The following CIMIP4 variants were observed in gnomAD, a reference collection of about 807,000 sequenced individuals.
CIMIP4 encodes protein EAN57.
the CIMIP4 span, among the ~76,000 whole-genome samples, chr22:37,002,782 A>G: frequency 1.3e-5 from 2 of 152,192 alleles, no homozygotes; most frequent in African/African-American, 4.8e-5. Context: ...GCTAAGCCAC[A>G]TGCCTGGGAA....
At chr22:36,995,331 G>T in the CIMIP4 span, among the ~76,000 whole-genome samples, 2 of 152,162 alleles carry the variant, frequency 1.3e-5, no homozygotes, top group African/African-American at 4.8e-5. Context: ...CTTACCATGG[G>T]CTGACCCTCT....
At chr22:36,991,987 C>A in the CIMIP4 span, among the ~76,000 whole-genome samples, 11 of 152,170 alleles carry the variant, frequency 7.2e-5, no homozygotes. Context: ...CAAGAGTCAG[C>A]AGAAACACCA....
chr22:36,995,877 G>A, the CIMIP4 span, among the ~76,000 whole-genome samples: 1 of 152,224 alleles, frequency 6.6e-6, no homozygotes, highest in East Asian at 1.9e-4. Flanking sequence ...TCAGCAGTAT[G>A]AAAACAGACT....
At chr22:37,002,011 GT>G in the CIMIP4 span, 29 of 1,613,446 alleles carry the variant, frequency 1.8e-5, no homozygotes, top group Middle Eastern at 3.3e-4. Context: ...AGGTGGCCCT[GT>G]TCTCTCTCGA....
the CIMIP4 span, chr22:36,991,465 G>A: frequency 4.3e-6 from 7 of 1,611,934 alleles, no homozygotes; most frequent in Non-Finnish European, 5.9e-6. Flanking sequence ...CCCATCACCC[G>A]CAGCTCCTCA....
the CIMIP4 span, among the ~76,000 whole-genome samples, chr22:36,994,779 C>G: frequency 6.6e-6 from 1 of 151,844 alleles, no homozygotes; most frequent in South Asian, 2.1e-4. Flanking sequence ...TACAGGCGCC[C>G]GCCACCGCGC....
At chr22:37,002,168 G>A in the CIMIP4 span, 3 of 1,507,706 alleles carry the variant, frequency 2.0e-6, no homozygotes, top group South Asian at 2.6e-5. Flanking sequence ...GGCTCCCAGG[G>A]GCAGGGGCTG....
chr22:37,002,124 A>G, the CIMIP4 span: 2 of 1,556,310 alleles, frequency 1.3e-6, no homozygotes, highest in Non-Finnish European at 1.7e-6. Context: ...ATCTCCTTCA[A>G]GTGGCACTGC....
chr22:36,997,261 A>C, the CIMIP4 span, among the ~76,000 whole-genome samples: 2 of 152,242 alleles, frequency 1.3e-5, no homozygotes, highest in African/African-American at 4.8e-5. Flanking sequence ...AAAACTAAAA[A>C]TTTTAGAAGA....
At chr22:37,001,793 C>A in the CIMIP4 span, 1 of 1,466,898 alleles carries the variant, frequency 6.8e-7, no homozygotes, top group South Asian at 1.4e-5. Flanking sequence ...CTTATGTCCT[C>A]ATTATAAGAC....
chr22:36,999,066 T>C, the CIMIP4 span, among the ~76,000 whole-genome samples: 16 of 152,022 alleles, frequency 1.1e-4, no homozygotes, highest in Middle Eastern at 3.4e-3. Flanking sequence ...AAACTTGATA[T>C]TGTCACTGTG....
the CIMIP4 span, among the ~76,000 whole-genome samples, chr22:37,004,524 G>T: frequency 1.3e-5 from 2 of 152,114 alleles, no homozygotes; most frequent in Admixed American, 1.3e-4. Context: ...TCGTGCTCAG[G>T]GAAGGGAAGC....
At chr22:36,995,584 T>C in the CIMIP4 span, among the ~76,000 whole-genome samples, 1 of 152,162 alleles carries the variant, frequency 6.6e-6, no homozygotes, top group African/African-American at 2.4e-5. Flanking sequence ...TCTCCCCACA[T>C]GAAGTTCACC....
At chr22:36,991,734 T>C in the CIMIP4 span, 32 of 700,376 alleles carry the variant, frequency 4.6e-5, no homozygotes, top group Non-Finnish European at 7.5e-5. Flanking sequence ...AGTAAAGTCG[T>C]TTGGGTTCAA....
At chr22:37,002,003 G>T in the CIMIP4 span, 1 of 1,613,850 alleles carries the variant, frequency 6.2e-7, no homozygotes, top group East Asian at 2.2e-5. Flanking sequence ...CTCTCCCGAG[G>T]TGGCCCTGTT....
chr22:37,002,666 G>T, the CIMIP4 span, among the ~76,000 whole-genome samples: 85 of 152,270 alleles, frequency 5.6e-4, no homozygotes, highest in African/African-American at 2.0e-3. Flanking sequence ...CATGTCCCTG[G>T]CTCCATTTGG....
the CIMIP4 span, chr22:37,002,368 AGGGTGGGGAGGGGGCAGAGATGG>A: frequency 8.6e-6 from 1 of 116,218 alleles, no homozygotes; most frequent in Non-Finnish European, 1.3e-5. Context: ...CAGAAAGTAG[AGGGTGGGGAGGGGGCAGAGATGG>A]GGGTGAGGAG....
the CIMIP4 span, among the ~76,000 whole-genome samples, chr22:37,000,166 C>T: frequency 1.3e-5 from 2 of 152,144 alleles, no homozygotes; most frequent in African/African-American, 2.4e-5. Flanking sequence ...AGCCCCAACT[C>T]CTCTCATCAT....
the CIMIP4 span, chr22:37,004,138 C>A: frequency 3.1e-6 from 3 of 978,524 alleles, no homozygotes; most frequent in Non-Finnish European, 4.4e-6. Flanking sequence ...CGCCCCTGAT[C>A]AGAGGTTCCT....
Sources: allele counts gnomAD v4.1 joint callset (sites outside exome capture counted in the v4.1 genomes callset), GRCh38; gene constraint gnomAD v4.1.1; transcripts MANE v1.5; gene names NCBI Gene and HGNC (gene_info 2026-07-23, HGNC 2026-07-21).